Variants in CADM2 observed in about 807,000 individuals in gnomAD.
CADM2 encodes the protein immunoglobulin superfamily member 4D.
Under a neutral mutation model 49.8 loss-of-function variants are expected in CADM2, and 12 were observed. The observed-to-expected ratio is 0.24, with a 90% CI of 0.15 to 0.39. The LOEUF (loss-of-function observed/expected upper bound fraction) is 0.39, where lower values mean the gene tolerates loss of function less well. Among genes scored for constraint, CADM2 ranks in the 10% least tolerant of loss-of-function variants. CADM2 has a pLI of 1.00. For synonymous variants in CADM2, 214 were observed against 175.4 expected (o/e 1.22, Z -1.74); for missense variants, 378 against 492.3 (o/e 0.77, Z 2.20).
intron 8 of CADM2, among the ~76,000 whole-genome samples, chr3:86,039,317 G>T (rs1735552078): frequency 1.3e-5 from 1 of 79,848 alleles, no homozygotes; most frequent in Non-Finnish European, 2.5e-5. Flanking sequence ...CCTAGTCAAA[G>T]AAATTCCCTT....
intron 1 of CADM2, among the ~76,000 whole-genome samples, chr3:85,640,640 G>A (rs62261671): frequency 0.16 from 24,574 of 152,082 alleles, 2,333 homozygotes; most frequent in South Asian, 0.27. Context: ...GGATCAGACT[G>A]TGAATGGACC....
intron 8 of CADM2, among the ~76,000 whole-genome samples, chr3:85,983,420 C>G (rs1727703021): frequency 6.6e-6 from 1 of 151,640 alleles, no homozygotes; most frequent in Non-Finnish European, 1.5e-5. Flanking sequence ...ATTTTGTTTA[C>G]AAGATGTTTG....
intron 1 of CADM2, among the ~76,000 whole-genome samples, chr3:85,347,601 A>ACG (rs1239000548): frequency 1.6e-5 from 2 of 125,090 alleles, no homozygotes; most frequent in East Asian, 2.5e-4. Flanking sequence ...ATATATACAT[A>ACG]TATATAAAAA....
intron 1 of CADM2, among the ~76,000 whole-genome samples, chr3:85,336,968 A>T (rs370365381): frequency 0.014 from 233 of 16,626 alleles, 1 homozygote; most frequent in Middle Eastern, 0.071. Context: ...ATATATATTA[A>T]ATATATATTT....
Position 85,583,452 on chromosome 3 carries a change from T to C in CADM2, c.62-143070T>C, listed in dbSNP as rs561898429. Among the ~76,000 whole-genome samples, 14 of 152,266 alleles carry C rather than the reference T, an allele frequency of 9.2e-5. No homozygotes were observed. The East Asian group carries it at 2.5e-3, about 27-fold the overall frequency. ...AGTGGTCACAGGAGGGTGAAAGTTATATCTTTTGCTTATCTCTAATCATTG... is the reference window on the plus strand; with the variant it reads ...AGTGGTCACAGGAGGGTGAAAGTTACATCTTTTGCTTATCTCTAATCATTG... On this transcript the variant is annotated intron_variant, in intron 1 of 9. Coordinates refer to ENST00000383699, the MANE Select transcript of CADM2 (RefSeq NM_001167675.2).
chr3:85,541,632 C>A (rs2061539457), intron 1 of CADM2, among the ~76,000 whole-genome samples: 1 of 146,580 alleles, frequency 6.8e-6, no homozygotes, highest in African/African-American at 2.5e-5. Flanking sequence ...TTCCTCTACA[C>A]AATTACAATG....
At chr3:85,013,960 C>T (rs13075494) in intron 1 of CADM2, among the ~76,000 whole-genome samples, 18,495 of 124,536 alleles carry the variant, frequency 0.15, 1,090 homozygotes, top group Non-Finnish European at 0.23. Context: ...ATTATATATA[C>T]GCAGTGTAAT....
chr3:85,405,756 C>T (rs912138080), intron 1 of CADM2, among the ~76,000 whole-genome samples: 1 of 151,382 alleles, frequency 6.6e-6, no homozygotes, highest in Non-Finnish European at 1.5e-5. Context: ...GCAGGATGTG[C>T]AGGTTTGTCA....
intron 1 of CADM2, among the ~76,000 whole-genome samples, chr3:85,189,950 A>ATTT (rs141488458): frequency 7.0e-5 from 5 of 71,074 alleles, no homozygotes; most frequent in African/African-American, 2.8e-4. Flanking sequence ...GGTCTCCCTC[A>ATTT]TTTTTTTTTT....
At chr3:85,249,973 C>T (rs1438335629) in intron 1 of CADM2, among the ~76,000 whole-genome samples, 1 of 151,650 alleles carries the variant, frequency 6.6e-6, no homozygotes, top group East Asian at 1.9e-4. Context: ...TTGACAATAA[C>T]ATAAAAGAAG....
chr3:85,741,939 C>CT (rs925121605), intron 2 of CADM2, among the ~76,000 whole-genome samples: 32 of 152,160 alleles, frequency 2.1e-4, no homozygotes, highest in African/African-American at 6.0e-4. Context: ...CCCAAACACT[C>CT]TTTTTTTATA....
rs149238880 is a variant in CADM2 at position 85,958,022 on chromosome 3, G to A, written c.792-3447G>A. 5.9e-3 allele frequency among the ~76,000 whole-genome samples: 902 copies of A among 151,902 alleles called. 3 individuals carry two copies. The highest frequency in any genetic ancestry group is 8.4e-3 in the Admixed American group (127 of 15,206). On this transcript the variant is annotated intron_variant, in intron 7 of 9. Coordinates refer to ENST00000383699, the MANE Select transcript of CADM2 (RefSeq NM_001167675.2). Reference sequence around the variant, plus strand: ...GAGTGAACAGGAAACCTACAGAATGGGAGAAAATTTTTGCAATCTACCCAT... The same window carrying A: ...GAGTGAACAGGAAACCTACAGAATGAGAGAAAATTTTTGCAATCTACCCAT...
chr3:85,712,493 A>C (rs1412433491), intron 1 of CADM2, among the ~76,000 whole-genome samples: 2 of 152,162 alleles, frequency 1.3e-5, no homozygotes, highest in Non-Finnish European at 2.9e-5. Context: ...CTTCCAAAGA[A>C]ATTTTCCACA....
intron 1 of CADM2, among the ~76,000 whole-genome samples, chr3:85,136,703 C>T (rs2039422913): frequency 6.6e-6 from 1 of 151,880 alleles, no homozygotes; most frequent in Non-Finnish European, 1.5e-5. Flanking sequence ...ATGCAAAGAA[C>T]TTCAAGAAAA....
At chr3:85,657,783 C>CACAGATATATAT (rs2065259463) in intron 1 of CADM2, among the ~76,000 whole-genome samples, 1 of 99,272 alleles carries the variant, frequency 1.0e-5, no homozygotes, top group Admixed American at 1.0e-4. Flanking sequence ...TATACATATA[C>CACAGATATATAT]ATGTTTTGAG....
chr3:85,697,486 A>G (rs1056251365), intron 1 of CADM2, among the ~76,000 whole-genome samples: 1 of 152,108 alleles, frequency 6.6e-6, no homozygotes, highest in South Asian at 2.1e-4. Flanking sequence ...CAAATGACCT[A>G]TTTTTGAATA....
intron 1 of CADM2, among the ~76,000 whole-genome samples, chr3:85,344,464 A>G (rs755100509): frequency 2.0e-5 from 3 of 151,766 alleles, no homozygotes; most frequent in Non-Finnish European, 4.4e-5. Flanking sequence ...AGAGAGCATT[A>G]TTTATTTTTA....
intron 3 of CADM2, among the ~76,000 whole-genome samples, chr3:85,873,228 A>C (rs1344113748): frequency 6.6e-6 from 1 of 152,226 alleles, no homozygotes; most frequent in African/African-American, 2.4e-5. Context: ...GAGACATTCA[A>C]ACCATAGCAT....
intron 2 of CADM2, among the ~76,000 whole-genome samples, chr3:85,768,446 A>AAAAT (rs200753994): frequency 0.015 from 2,082 of 135,540 alleles, 58 homozygotes; most frequent in African/African-American, 0.052. Flanking sequence ...ACTCCATCTC[A>AAAAT]AAATAAATAA....
Sources: allele counts gnomAD v4.1 joint callset (sites outside exome capture counted in the v4.1 genomes callset), GRCh38; gene constraint gnomAD v4.1.1; transcripts MANE v1.5; gene names NCBI Gene and HGNC (gene_info 2026-07-23, HGNC 2026-07-21).